Variants in MCU observed in about 807,000 individuals in gnomAD.
MCU encodes mitochondrial calcium uniporter, also known as calcium uniporter protein, mitochondrial.
In MCU, 12 loss-of-function variants were observed where a neutral mutation model predicts 45.2. The observed-to-expected ratio is 0.27, with a 90% CI of 0.17 to 0.43. The LOEUF (loss-of-function observed/expected upper bound fraction) is 0.43, where lower values mean the gene tolerates loss of function less well. Ranked by LOEUF, MCU falls within the 20% of genes least tolerant of loss-of-function variation. MCU has a pLI of 1.00. For missense variants in MCU, 324 were observed against 436.7 expected (o/e 0.74, Z 2.30); for synonymous variants, 160 against 165.1 (o/e 0.97, Z 0.24).
intron 2 of MCU, among the ~76,000 whole-genome samples, chr10:72,841,771 C>A (rs1845051901): frequency 1.3e-5 from 2 of 152,234 alleles, no homozygotes; most frequent in South Asian, 4.1e-4. Context: ...GACTCTTAGG[C>A]CTAAAAGTTT....
At chr10:72,838,642 A>C (rs191852551) in intron 2 of MCU, among the ~76,000 whole-genome samples, 294 of 151,940 alleles carry the variant, frequency 1.9e-3, no homozygotes, top group Admixed American at 3.0e-3. Context: ...CACACACACA[A>C]AAAAAAAGAG....
intron 1 of MCU, among the ~76,000 whole-genome samples, chr10:72,711,512 C>T (rs577611880): frequency 5.3e-5 from 8 of 150,300 alleles, no homozygotes; most frequent in Admixed American, 1.3e-4. Flanking sequence ...TGAGCCACTA[C>T]GCCTGGCCTT....
intron 4 of MCU, 135 bp from the exon 5 acceptor site, chr10:72,868,568 G>T: frequency 2.3e-5 from 13 of 557,744 alleles, no homozygotes; most frequent in Middle Eastern, 5.3e-4. Context: ...AAAAAAAAAA[G>T]AGAGCTATTA....
At chr10:72,822,486 A>G (rs1844728103) in intron 1 of MCU, among the ~76,000 whole-genome samples, 1 of 152,206 alleles carries the variant, frequency 6.6e-6, no homozygotes. Context: ...CCAAAAACCA[A>G]CACTAAACTT....
rs1491031202 is a variant in MCU, at chr10:72,805,181, CCT to C, written c.151-29177_151-29176del. 2.2e-4 allele frequency among the ~76,000 whole-genome samples: 30 copies of C among 134,888 alleles called. 1 individual carries two copies. Among genetic ancestry groups the C allele is most frequent in the African/African-American group, 8.6e-4 (28 of 32,536 alleles). 88.5% of individuals were successfully genotyped at this position (134,888 alleles called of 152,430 possible). ...TTTCTGTCTCTCTCTCTCTCTCTTT[CCT>C]TCCTTCCTTCCTTCCTTCCTTTCTT... On this transcript the variant is annotated intron_variant, in intron 1 of 7. Coordinates refer to ENST00000373053, the MANE Select transcript of MCU (RefSeq NM_138357.3).
chr10:72,802,948 T>G (rs1844365136), intron 1 of MCU, among the ~76,000 whole-genome samples: 1 of 152,196 alleles, frequency 6.6e-6, no homozygotes. Flanking sequence ...GTACAGACAT[T>G]AGATCGTGTA....
chr10:72,734,865 C>T (rs1487205773), intron 1 of MCU, among the ~76,000 whole-genome samples: 1 of 151,976 alleles, frequency 6.6e-6, no homozygotes, highest in Non-Finnish European at 1.5e-5. Flanking sequence ...TATTCTCCCA[C>T]CTCAGCCTCC....
intron 2 of MCU, among the ~76,000 whole-genome samples, chr10:72,846,893 A>G (rs1200841895): frequency 6.6e-6 from 1 of 152,164 alleles, no homozygotes; most frequent in African/African-American, 2.4e-5. Flanking sequence ...AAATCTACCT[A>G]AAAGTAGGAG....
intron 1 of MCU, among the ~76,000 whole-genome samples, chr10:72,696,185 A>AAAT (rs1564531189): frequency 1.0e-4 from 11 of 109,994 alleles, no homozygotes; most frequent in African/African-American, 2.1e-4. Context: ...AAAAAAAAAA[A>AAAT]TTTTTTTTTT....
intron 1 of MCU, among the ~76,000 whole-genome samples, chr10:72,782,095 C>CA (rs1844003431): frequency 6.6e-6 from 1 of 152,096 alleles, no homozygotes; most frequent in African/African-American, 2.4e-5. Context: ...GCTGATTCCA[C>CA]AAAAAATACC....
rs559572072 is a variant in MCU at position 72,780,998 on chromosome 10, C to G, written c.151-53361C>G. ...TAGAGAATTTGATTAATATTTTATT[C>G]ATTTATTTGGGGGTATTTGCCTTCT... On this transcript the variant is annotated intron_variant, in intron 1 of 7. Transcript: ENST00000373053. Among the ~76,000 whole-genome samples, 15 of 152,122 alleles carry G rather than the reference C, an allele frequency of 9.9e-5. 1 individual carries two copies. Among genetic ancestry groups the G allele is most frequent in the Middle Eastern group, 6.8e-3 (2 of 294 alleles).
At chr10:72,867,698 CA>C (rs1423573313) in intron 4 of MCU, among the ~76,000 whole-genome samples, 1 of 151,592 alleles carries the variant, frequency 6.6e-6, no homozygotes, top group Non-Finnish European at 1.5e-5. Flanking sequence ...CTAAAATATA[CA>C]AAAAAATTAG....
chr10:72,862,461 G>A (rs1268595217), intron 4 of MCU, among the ~76,000 whole-genome samples: 1 of 152,142 alleles, frequency 6.6e-6, no homozygotes, highest in African/African-American at 2.4e-5. Context: ...CAGTGGGGGC[G>A]GGGGCAGAGG....
intron 1 of MCU, among the ~76,000 whole-genome samples, chr10:72,730,215 C>T (rs564347767): frequency 6.6e-6 from 1 of 152,058 alleles, no homozygotes; most frequent in African/African-American, 2.4e-5. Flanking sequence ...CTTGCCTTAA[C>T]CTCCCAAAGT....
rs553764827 is a variant in MCU at position 72,755,241 on chromosome 10, C to T, written c.150+62940C>T. Among the ~76,000 whole-genome samples the T allele has an allele frequency of 2.8e-4, 43 of 151,618 alleles. No homozygotes were observed. In the South Asian group the frequency reaches 7.1e-3, roughly 25 times the overall value. On this transcript the variant is annotated intron_variant, in intron 1 of 7. Transcript: ENST00000373053. ...CTCAGTCACTGCAACCTCTGCCTCC[C>T]GGGTTCAAGCAATTCTCCTGCCTCA...
chr10:72,811,853 T>C (rs1844548218), intron 1 of MCU, among the ~76,000 whole-genome samples: 1 of 152,214 alleles, frequency 6.6e-6, no homozygotes, highest in African/African-American at 2.4e-5. Flanking sequence ...GCTTTTTCAG[T>C]ATTATTTTCA....
intron 2 of MCU, among the ~76,000 whole-genome samples, chr10:72,836,208 T>C (rs1406426947): frequency 2.0e-5 from 3 of 152,174 alleles, no homozygotes; most frequent in African/African-American, 7.2e-5. Flanking sequence ...AAATTTCTAG[T>C]ATTTATGATA....
chr10:72,746,909 A>G lies in MCU; in HGVS notation c.150+54608A>G, dbSNP rs1843422239. Reference sequence around the variant, plus strand: ...AACACTTAGTGGTAGGTTGCTAGGCATGAATTTAGTCTCTTTGAAATTTGG... The same window carrying G: ...AACACTTAGTGGTAGGTTGCTAGGCGTGAATTTAGTCTCTTTGAAATTTGG... On this transcript the variant is annotated intron_variant, in intron 1 of 7. Coordinates refer to ENST00000373053, the MANE Select transcript of MCU (RefSeq NM_138357.3). 2.0e-5 allele frequency among the ~76,000 whole-genome samples: 3 copies of G among 152,250 alleles called. No homozygotes were observed. In the South Asian group the frequency reaches 6.2e-4, roughly 31 times the overall value.
At position 72,801,463 on chromosome 10, in the gene MCU, C is replaced by T. The variant is rs927054468; in HGVS notation, c.151-32896C>T. 2.7e-5 allele frequency among the ~76,000 whole-genome samples: 4 copies of T among 148,096 alleles called. No homozygotes were observed. The Admixed American group carries it at 2.7e-4, about 10-fold the overall frequency. ...AAGTGCCAGCCAGTACTGGAGCTAA[C>T]ATTAGAACTTTACCCTTCTGACTGT... On this transcript the variant is annotated intron_variant, in intron 1 of 7. Coordinates refer to ENST00000373053, the MANE Select transcript of MCU (RefSeq NM_138357.3).
Sources: gnomAD v4.1 joint callset for allele counts (sites outside exome capture counted in the v4.1 genomes callset) on GRCh38, gnomAD v4.1.1 for gene constraint, MANE v1.5 for transcripts, NCBI Gene and HGNC (gene_info 2026-07-23, HGNC 2026-07-21) for gene names.